PLXNB2: variants seen among roughly 807,000 people sequenced by gnomAD.
The protein encoded by PLXNB2 is plexin B2.
A neutral mutation model predicts 202.6 loss-of-function variants in PLXNB2; 85 were observed. The observed-to-expected ratio is 0.42, with a 90% CI of 0.35 to 0.50. The LOEUF is 0.50. Among genes scored for constraint, PLXNB2 ranks in the 20% least tolerant of loss-of-function variants. The probability of loss-of-function intolerance (pLI) is 0.02; values close to 1 mark genes in which losing one functional copy is unlikely to be tolerated. For synonymous variants in PLXNB2, 1,239 were observed against 1,137.6 expected (o/e 1.09, Z -1.79); for missense variants, 2,063 against 2,586.2 (o/e 0.80, Z 4.39).
chr22:50,292,225 CT>C (rs2066920117), intron 2 of PLXNB2, among the ~76,000 whole-genome samples: 1 of 151,386 alleles, frequency 6.6e-6, no homozygotes, highest in African/African-American at 2.4e-5. Flanking sequence ...GTAGTCTCAG[CT>C]ACTCCAGAGG....
In PLXNB2 at chr22:50,297,095, C is replaced by T. The variant is rs979785451; in HGVS notation, c.-73-2317G>A. ...CAGGAGCCAAAGCACAGGGCAGCAC[C>T]GGGTCTCCTGAGAAAGCTGGGACCC... On this transcript the variant is annotated intron_variant, in intron 1 of 36. Transcript: ENST00000359337. The surrounding 1 kb of genome is among the most constrained non-coding windows in gnomAD (Gnocchi z 5.3). Among the ~76,000 whole-genome samples the T allele has an allele frequency of 1.1e-4, 16 of 152,308 alleles. No individual in the cohort carries two copies. The highest frequency in any genetic ancestry group is 3.4e-3 in the Middle Eastern group (1 of 294).
At chr22:50,296,705 G>C (rs1255969702) in intron 1 of PLXNB2, among the ~76,000 whole-genome samples, 1 of 152,026 alleles carries the variant, frequency 6.6e-6, no homozygotes, top group East Asian at 1.9e-4. Flanking sequence ...CTACAACCAA[G>C]GTTCAGCTAC....
Position 50,278,424 on chromosome 22 carries a change from G to C in PLXNB2, c.4732+11C>G, listed in dbSNP as rs1215259879. The stretch of plus-strand genomic sequence containing the variant: ...GGGCTGGAAGGAAACGGGCAACAGG[G>C]AGGGACTCACGCTCCCCAGGCAGGT... On this transcript the variant is annotated intron_variant, in intron 30 of 36. Coordinates refer to ENST00000359337, the MANE Select transcript of PLXNB2 (RefSeq NM_012401.4). 1 of 1,560,470 alleles carries C rather than the reference G, an allele frequency of 6.4e-7. No homozygotes were observed. Among genetic ancestry groups the C allele is most frequent in the Non-Finnish European group, 8.7e-7 (1 of 1,151,978 alleles).
chr22:50,290,049 T>A lies in PLXNB2; in HGVS notation c.536A>T (p.Asn179Ile). ...CAGCCGAGTGCTCACGATGATGCCG[T>A]TGTCGTGTGGCCCATTGCCTTTGCC... Reference protein sequence around the residue: ...FVGKGNGPHDNGIIVSTRLLD... With the variant: ...FVGKGNGPHDIGIIVSTRLLD... The change falls in exon 3 of 37, where the codon AAC (asparagine) becomes ATC (isoleucine). Residue 179 changes from asparagine (N) to isoleucine (I), a missense_variant. This residue lies in a region of PLXNB2 where 1,303 missense variants were observed against 1,476.8 expected (regional missense o/e 0.88). Coordinates refer to ENST00000359337, the MANE Select transcript of PLXNB2 (RefSeq NM_012401.4). 1 of 1,613,444 alleles carries A rather than the reference T, an allele frequency of 6.2e-7. No homozygotes were observed.
rs2147351798 is a variant in PLXNB2, at chr22:50,279,769, G to A, written c.4250C>T (p.Ala1417Val). Residue 1417 changes from alanine (A) to valine (V), a missense_variant, in exon 27 of 37, where the codon GCC (alanine) becomes GTC (valine). By Grantham distance (64) the Ala-to-Val change is moderately conservative. Coordinates refer to ENST00000359337, the MANE Select transcript of PLXNB2 (RefSeq NM_012401.4). ...ICLYQYLKDS[A>V]GEPLYKLFKA... Reference sequence around the variant, plus strand: ...GAAGAGCTTGTACAGGGGCTCCCCGGCACTGTCCTGGAGTAACACGGAGGG... The same window carrying A: ...GAAGAGCTTGTACAGGGGCTCCCCGACACTGTCCTGGAGTAACACGGAGGG... 1.9e-6 allele frequency: 3 copies of A among 1,613,830 alleles called. No individual in the cohort carries two copies. The highest frequency in any genetic ancestry group is 2.5e-6 in the Non-Finnish European group (3 of 1,179,942).
In PLXNB2 at chr22:50,280,827, T is replaced by G. The variant is rs904437628; in HGVS notation, c.3910A>C (p.Ile1304Leu). 5.0e-6 allele frequency: 8 copies of G among 1,613,090 alleles called. No homozygotes were observed. Among genetic ancestry groups the G allele is most frequent in the Non-Finnish European group, 6.8e-6 (8 of 1,179,858 alleles). ...KDVMITGKLD[I>L]PEPRRPVVEQ... Reference sequence around the variant, plus strand: ...ACCACCGGCCGCCGCGGCTCAGGGATGTCCAGCTTGCCGGTGATCATCACG... The same window carrying G: ...ACCACCGGCCGCCGCGGCTCAGGGAGGTCCAGCTTGCCGGTGATCATCACG... The change falls in exon 24 of 37, where the codon ATC becomes CTC. Residue 1304 changes from isoleucine (I) to leucine (L), a missense_variant. Physicochemically the swap from Ile to Leu is conservative, Grantham distance 5. Coordinates refer to ENST00000359337, the MANE Select transcript of PLXNB2 (RefSeq NM_012401.4).
At chr22:50,301,553 C>T in intron 1 of PLXNB2, 1 of 217,074 alleles carries the variant, frequency 4.6e-6, no homozygotes, top group Non-Finnish European at 7.9e-6. Flanking sequence ...GCCTCCCGGC[C>T]CGCCGGTGCC....
Position 50,287,930 on chromosome 22 carries a change from C to A in PLXNB2, c.1481+7G>T. 1 of 1,585,394 alleles carries A rather than the reference C, an allele frequency of 6.3e-7. No individual in the cohort carries two copies. ...GGCCGTGTCCCCGAGCCACCCCAGG[C>A]ACTCACCGTCCCTCGACGACGCACC... is the stretch of plus-strand genomic sequence containing the variant. On this transcript the variant is annotated splice_region_variant and intron_variant, in intron 6 of 36. Transcript: ENST00000359337.
Position 50,275,495 on chromosome 22 carries a change from GGCTGGT to G in PLXNB2, c.*203_*208del, listed in dbSNP as rs1569153452. The G allele has an allele frequency of 4.5e-6, 3 of 670,842 alleles. No homozygotes were observed. The highest frequency in any genetic ancestry group is 2.4e-4 in the Middle Eastern group (1 of 4,150). The allele number at this position is 670,842 out of a possible 1,614,324, so 41.6% of individuals were successfully genotyped here. ...TGCGGCCGGAGGGAGCTGGGGCTGG[GGCTGGT>G]GCTGGTGCGGTGCCCGGCGGTATTG... On this transcript the variant is annotated 3_prime_UTR_variant, in exon 37 of 37. Transcript: ENST00000359337.
chr22:50,296,386 CCTGA>C (rs2067273174), intron 1 of PLXNB2, among the ~76,000 whole-genome samples: 1 of 151,842 alleles, frequency 6.6e-6, no homozygotes. Context: ...AGAGCGAGAC[CCTGA>C]CTCTAAGATT....
At chr22:50,301,959 C>A (rs1601780175) in intron 1 of PLXNB2, among the ~76,000 whole-genome samples, 1 of 152,382 alleles carries the variant, frequency 6.6e-6, no homozygotes, top group African/African-American at 2.4e-5. Context: ...GCCCTGCCAA[C>A]AGGGTCTCAC....
rs2066620684 is a variant in PLXNB2, at chr22:50,288,338, C to T, written c.1381-301G>A. On this transcript the variant is annotated intron_variant, in intron 5 of 36. Transcript: ENST00000359337. The surrounding 1 kb of genome is among the most constrained non-coding windows in gnomAD (Gnocchi z 5.0). ...AGGGCTGGCCTGAGGGTCTCTGGCA[C>T]TAACCCCCCACAAGCTTGGGGCCCA... Among the ~76,000 whole-genome samples the T allele has an allele frequency of 6.6e-6, 1 of 152,102 alleles. No individual in the cohort carries two copies. Among genetic ancestry groups the T allele is most frequent in the Admixed American group, 6.5e-5 (1 of 15,280 alleles).
In PLXNB2 at chr22:50,304,510, G is replaced by T. The variant is rs1462919033; in HGVS notation, c.-74+3043C>A. ...CCCTGGTAGGCAGAGAAAGGCAGGG[G>T]TCCTTACAATCCAGGGGTATGGGAA... On this transcript the variant is annotated intron_variant, in intron 1 of 36. Coordinates refer to ENST00000359337, the MANE Select transcript of PLXNB2 (RefSeq NM_012401.4). Among the ~76,000 whole-genome samples the T allele has an allele frequency of 4.6e-5, 7 of 152,218 alleles. No homozygotes were observed. The East Asian group carries it at 1.2e-3, about 25-fold the overall frequency.
Position 50,277,610 on chromosome 22 carries a change from G to A in PLXNB2, c.5177C>T (p.Thr1726Met), listed in dbSNP as rs201182504. The change falls in exon 33 of 37, where the codon ACG becomes ATG. Residue 1726 changes from threonine (T) to methionine (M), a missense_variant. Around this residue, in one of 2 missense-constraint regions of PLXNB2, gnomAD observed 760 missense variants for 1,109.4 expected, o/e 0.69. Coordinates refer to ENST00000359337, the MANE Select transcript of PLXNB2 (RefSeq NM_012401.4). ...ACTCACGCGGCTCAGCTTATGCTCC[G>A]TGCGCGTGCAGGCATCCATGAAGGT... ...AQTFMDACTRTEHKLSRDSPS... is the reference protein window; with the variant it reads ...AQTFMDACTRMEHKLSRDSPS... The A allele has an allele frequency of 7.2e-5, 114 of 1,593,014 alleles. 1 individual carries two copies. In the Admixed American group the frequency reaches 1.4e-3, roughly 20 times the overall value.
rs1215123697 is a variant in PLXNB2 at position 50,275,372 on chromosome 22, G to A, written c.*332C>T. 8.4e-6 allele frequency: 4 copies of A among 476,218 alleles called. No homozygotes were observed. The East Asian group carries it at 2.5e-4, about 30-fold the overall frequency. 29.5% of individuals were successfully genotyped at this position (476,218 alleles called of 1,614,324 possible). ...CTAGGGCATGGAGGCGGCTGCTGGTGCGTGGGCGGAGGCGGAGGCCAGCTG... is the reference window on the plus strand; with the variant it reads ...CTAGGGCATGGAGGCGGCTGCTGGTACGTGGGCGGAGGCGGAGGCCAGCTG... On this transcript the variant is annotated 3_prime_UTR_variant, in exon 37 of 37. Transcript: ENST00000359337.
At position 50,289,900 on chromosome 22, in the gene PLXNB2, A is replaced by C. The variant is rs374549222; in HGVS notation, c.685T>G (p.Phe229Val). The C allele has an allele frequency of 2.6e-5, 42 of 1,613,084 alleles. No individual in the cohort carries two copies. The highest frequency in any genetic ancestry group is 3.6e-5 in the Non-Finnish European group (42 of 1,180,042). ...TTGTCCTGCTGGTTGAAGACAAAGA[A>C]GACGTAGGGGCCGTCCTCGAAGGCC... The part of the protein sequence containing the change: ...VAAFEDGPYV[F>V]FVFNQQDKHP... Residue 229 changes from phenylalanine (F) to valine (V), a missense_variant, in exon 3 of 37, where the codon TTC (phenylalanine) becomes GTC (valine). This residue lies in a region of PLXNB2 where 1,303 missense variants were observed against 1,476.8 expected (regional missense o/e 0.88). Coordinates refer to ENST00000359337, the MANE Select transcript of PLXNB2 (RefSeq NM_012401.4). This position sits in a 1 kb window ranked among gnomAD's most constrained non-coding sequence, Gnocchi z 8.0.
At chr22:50,298,052 C>T (rs1035651962) in intron 1 of PLXNB2, among the ~76,000 whole-genome samples, 10 of 152,200 alleles carry the variant, frequency 6.6e-5, no homozygotes, top group African/African-American at 2.2e-4. Flanking sequence ...TGGTCTTCCC[C>T]GACAGGCCCC....
Position 50,286,000 on chromosome 22 carries a change from C to T in PLXNB2, c.1976G>A (p.Arg659His), listed in dbSNP as rs778354203. The T allele has an allele frequency of 3.0e-5, 48 of 1,612,150 alleles. No individual in the cohort carries two copies. The highest frequency in any genetic ancestry group is 1.6e-4 in the Middle Eastern group (1 of 6,080). ...CCCGAGGCCCCTCACCATGTGGGCA[C>T]GGACGATGCCGTCCTCAGGGTTGGG... is the stretch of plus-strand genomic sequence containing the variant. ...ASPNPEDGIV[R>H]AHMEDSCPQF... The change falls in exon 10 of 37, where the codon CGT (arginine) becomes CAT (histidine). Residue 659 changes from arginine to histidine, a missense_variant. By Grantham distance (29) the Arg-to-His change is conservative. Around this residue, in one of 2 missense-constraint regions of PLXNB2, gnomAD observed 1,303 missense variants for 1,476.8 expected, o/e 0.88. Transcript: ENST00000359337.
Position 50,275,735 on chromosome 22 carries a change from G to A in PLXNB2, c.5486C>T (p.Ala1829Val). The change falls in exon 37 of 37, where the codon GCT becomes GTT. Residue 1829 changes from alanine to valine, a missense_variant. Around this residue, in one of 2 missense-constraint regions of PLXNB2, gnomAD observed 760 missense variants for 1,109.4 expected, o/e 0.69. Transcript: ENST00000359337. Reference sequence around the variant, plus strand: ...GTCAGTGACCTTGTTCTCCAGTGCAGCGGCAATCTGCTGCAGGCGGAAGGC... The same window carrying A: ...GTCAGTGACCTTGTTCTCCAGTGCAACGGCAATCTGCTGCAGGCGGAAGGC... ...QLAFRLQQIA[A>V]ALENKVTDL 1 of 1,611,530 alleles carries A rather than the reference G, an allele frequency of 6.2e-7. No individual in the cohort carries two copies. The highest frequency in any genetic ancestry group is 8.5e-7 in the Non-Finnish European group (1 of 1,179,134).
Sources: gnomAD v4.1 joint callset for allele counts (sites outside exome capture counted in the v4.1 genomes callset) on GRCh38, gnomAD v4.1.1 for gene constraint, gnomAD v4.1.1 regional missense constraint, Gnocchi (gnomAD v3.1) non-coding constraint, MANE v1.5 for transcripts, NCBI Gene and HGNC (gene_info 2026-07-23, HGNC 2026-07-21) for gene names.